The following CLTCL1 variants were observed in gnomAD, a reference collection of about 807,000 sequenced individuals.
The protein encoded by CLTCL1 is clathrin heavy chain 2.
Under a neutral mutation model 190.0 loss-of-function variants are expected in CLTCL1, and 159 were observed. The observed-to-expected ratio is 0.84, with a 90% confidence interval of 0.74 to 0.95. The LOEUF is 0.95. CLTCL1 is among the 40% of genes least tolerant of loss of function. CLTCL1 has a pLI of 0.00. For synonymous variants in CLTCL1, 752 were observed against 769.6 expected, an observed-to-expected ratio of 0.98 and a Z score of 0.38; for missense variants, 1,878 against 2,033.4, an observed-to-expected ratio of 0.92 and a Z score of 1.47.
chr22:19,258,289 A>G (rs923640204), intron 2 of CLTCL1: 1 of 370,434 alleles, frequency 2.7e-6, no homozygotes, highest in Admixed American at 3.6e-5. Flanking sequence ...CAATATGACA[A>G]GCTGACTCAG....
intron 18 of CLTCL1, among the ~76,000 whole-genome samples, chr22:19,217,473 G>A (rs928982029): frequency 1.6e-4 from 24 of 151,972 alleles, no homozygotes; most frequent in Non-Finnish European, 2.5e-4. Context: ...AAAAGTAGCC[G>A]GGCGTGGTGG....
intron 22 of CLTCL1, among the ~76,000 whole-genome samples, chr22:19,206,793 G>A (rs551387862): frequency 1.1e-4 from 16 of 152,094 alleles, no homozygotes; most frequent in African/African-American, 3.9e-4. Context: ...AAGTGCACTT[G>A]TAACTAATAT....
chr22:19,221,040 G>A (rs995610673), intron 17 of CLTCL1, among the ~76,000 whole-genome samples: 2 of 152,178 alleles, frequency 1.3e-5, no homozygotes, highest in African/African-American at 2.4e-5. Context: ...AAGATGGATG[G>A]CTGATCAAGT....
Position 19,291,637 on chromosome 22 carries a change from G to A in CLTCL1, c.5C>T (p.Ala2Val), listed in dbSNP as rs371789769. 1.8e-3 allele frequency: 2,525 copies of A among 1,399,770 alleles called. 6 individuals carry two copies. The highest frequency in any genetic ancestry group is 2.3e-3 in the Non-Finnish European group (2,451 of 1,062,932). 86.7% of individuals were successfully genotyped at this position (1,399,770 alleles called of 1,614,324 possible). M[A>V]QILPVRFQEH... ...CTGAAAGCGAACAGGGAGGATCTGC[G>A]CCATGGCTGGTGCGGGACCTCGGCG... The change falls in exon 1 of 33, where the codon GCG (alanine) becomes GTG (valine). Residue 2 changes from alanine (A) to valine (V), a missense_variant. By Grantham distance (64) the Ala-to-Val change is moderately conservative. Coordinates refer to ENST00000427926, the MANE Select transcript of CLTCL1 (RefSeq NM_007098.4).
chr22:19,269,028 T>A (rs2087213957), intron 2 of CLTCL1, among the ~76,000 whole-genome samples: 1 of 146,546 alleles, frequency 6.8e-6, no homozygotes, highest in African/African-American at 2.6e-5. Flanking sequence ...AGGCAGAGGC[T>A]GCAGTGAGCC....
Position 19,269,041 on chromosome 22 carries a change from G to A in CLTCL1, c.250+6582C>T, listed in dbSNP as rs549440080. 1.4e-3 allele frequency among the ~76,000 whole-genome samples: 206 copies of A among 144,614 alleles called. 2 individuals are homozygous for A. The highest frequency in any genetic ancestry group is 5.0e-3 in the African/African-American group (193 of 38,770). The allele number at this position is 144,614 out of a possible 152,430, so 94.9% of individuals were successfully genotyped here. ...GGAGGCAGAGGCTGCAGTGAGCCGC[G>A]ATAGCGCCACTGCACTCCAGCCTGG... On this transcript the variant is annotated intron_variant, in intron 2 of 32. Coordinates refer to ENST00000427926, the MANE Select transcript of CLTCL1 (RefSeq NM_007098.4).
chr22:19,213,783 A>C (rs2085303250), intron 19 of CLTCL1, among the ~76,000 whole-genome samples: 1 of 152,028 alleles, frequency 6.6e-6, no homozygotes, highest in Non-Finnish European at 1.5e-5. Flanking sequence ...GTTTGGGGGA[A>C]TGTATAATAT....
chr22:19,206,889 A>G (rs1555943034), intron 22 of CLTCL1, among the ~76,000 whole-genome samples: 1 of 152,058 alleles, frequency 6.6e-6, no homozygotes, highest in African/African-American at 2.4e-5. Flanking sequence ...CGGACTCCAC[A>G]ATTATTTAGA....
intron 7 of CLTCL1, 41 bp from the exon 8 acceptor site, chr22:19,233,663 CAG>C: frequency 6.3e-7 from 1 of 1,576,238 alleles, no homozygotes; most frequent in East Asian, 2.2e-5. Flanking sequence ...GTTGTAATCA[CAG>C]GGGATCCCTT....
chr22:19,254,376 G>C (rs2086687324), intron 2 of CLTCL1, 149 bp from the exon 3 acceptor site: 1 of 682,566 alleles, frequency 1.5e-6, no homozygotes, highest in African/African-American at 1.8e-5. Flanking sequence ...TGCCAGAGTA[G>C]TAATTAAGCA....
chr22:19,256,151 C>CTTCT (rs1336750613), intron 2 of CLTCL1, among the ~76,000 whole-genome samples: 1 of 151,258 alleles, frequency 6.6e-6, no homozygotes, highest in South Asian at 2.1e-4. Context: ...AATCCTTTTC[C>CTTCT]TTCTTTCTTT....
chr22:19,254,321 C>T, intron 2 of CLTCL1, 94 bp from the exon 3 acceptor site: 1 of 1,102,176 alleles, frequency 9.1e-7, no homozygotes, highest in Non-Finnish European at 1.3e-6. Context: ...TTTAATATTA[C>T]TTTAGGTTGT....
At position 19,180,836 on chromosome 22, in the gene CLTCL1, C is replaced by T. The variant is rs557325682; in HGVS notation, c.4828-30G>A. On this transcript the variant is annotated intron_variant, in intron 30 of 32. Transcript: ENST00000427926. ...AAGGAGGCAAAAGCACGTGAGCACC[C>T]GCTTGACAGAGTGCAGTCCGGCCTC... 28 of 1,606,862 alleles carry T rather than the reference C, an allele frequency of 1.7e-5. No individual in the cohort carries two copies. The South Asian group carries it at 1.8e-4, about 10-fold the overall frequency.
At chr22:19,215,113 A>G (rs919857051) in intron 19 of CLTCL1, among the ~76,000 whole-genome samples, 36 of 152,220 alleles carry the variant, frequency 2.4e-4, no homozygotes, top group Admixed American at 1.3e-3. Context: ...ACAAACTAAC[A>G]ACTATCAAAG....
In CLTCL1 at chr22:19,201,876, A is replaced by C. The variant is rs374988296; in HGVS notation, c.3601-383T>G. On this transcript the variant is annotated intron_variant, in intron 22 of 32. Coordinates refer to ENST00000427926, the MANE Select transcript of CLTCL1 (RefSeq NM_007098.4). ...AATCTTGTGTCAGGTATCACTCACC[A>C]GCCCTAGTTCCTGATGCCATTTACA... is the stretch of plus-strand genomic sequence containing the variant. Among the ~76,000 whole-genome samples, 86 of 152,210 alleles carry C rather than the reference A, an allele frequency of 5.7e-4. 1 individual carries two copies. The highest frequency in any genetic ancestry group is 2.0e-3 in the African/African-American group (82 of 41,524).
intron 29 of CLTCL1, 106 bp downstream of exon 29, chr22:19,187,452 C>T: frequency 8.4e-7 from 1 of 1,185,920 alleles, no homozygotes. Context: ...CCTGGTGAAG[C>T]TCAGAGCCAG....
In CLTCL1 at chr22:19,254,047, C is replaced by G; in HGVS notation, c.431G>C (p.Arg144Thr). The change falls in exon 3 of 33, where the codon AGA (arginine) becomes ACA (threonine). Residue 144 changes from arginine (R) to threonine (T), a missense_variant. Coordinates refer to ENST00000427926, the MANE Select transcript of CLTCL1 (RefSeq NM_007098.4). ...GDSQPMKMFD[R>T]HTSLVGCQVI... ...CTGGCAGCCCACCAGACTGGTATGT[C>G]TATCAAACATCTTCATGGGCTGGGA... is the stretch of plus-strand genomic sequence containing the variant. 6.2e-6 allele frequency: 10 copies of G among 1,611,950 alleles called. No homozygotes were observed. Among genetic ancestry groups the G allele is most frequent in the Non-Finnish European group, 8.5e-6 (10 of 1,178,852 alleles).
intron 11 of CLTCL1, among the ~76,000 whole-genome samples, chr22:19,229,160 C>G (rs1397667181): frequency 2.0e-5 from 3 of 152,174 alleles, no homozygotes; most frequent in Non-Finnish European, 2.9e-5. Flanking sequence ...CAGCATTATT[C>G]ACAATAGCCT....
chr22:19,285,765 G>T (rs2087884639), intron 1 of CLTCL1, among the ~76,000 whole-genome samples: 1 of 152,192 alleles, frequency 6.6e-6, no homozygotes. Context: ...AAATCAGACA[G>T]ATTGCAGAAA....
Sources: allele counts gnomAD v4.1 joint callset (sites outside exome capture counted in the v4.1 genomes callset), GRCh38; gene constraint gnomAD v4.1.1; transcripts MANE v1.5; gene names NCBI Gene and HGNC (gene_info 2026-07-23, HGNC 2026-07-21).